Variants in MTMR3 observed in about 807,000 individuals in gnomAD.
MTMR3 encodes phosphatidylinositol-3,5-bisphosphate 3-phosphatase MTMR3.
Under a neutral mutation model 132.4 loss-of-function variants are expected in MTMR3, and 32 were observed. The observed-to-expected ratio is 0.24, with a 90% CI of 0.18 to 0.32. The LOEUF (loss-of-function observed/expected upper bound fraction) is 0.32. MTMR3 is among the 10% of genes least tolerant of loss of function. The probability of loss-of-function intolerance (pLI) is 1.00; values close to 1 mark genes in which losing one functional copy is unlikely to be tolerated. For missense variants in MTMR3, 1,216 were observed against 1,489.6 expected (o/e 0.82, Z 3.02); for synonymous variants, 556 against 550.3 (o/e 1.01, Z -0.14).
At position 29,965,520 on chromosome 22, in the gene MTMR3, A is replaced by G. The variant is rs112770847; in HGVS notation, c.-84-5456A>G. Among the ~76,000 whole-genome samples the G allele has an allele frequency of 1.4e-3, 207 of 152,256 alleles. No individual in the cohort carries two copies. In the South Asian group the frequency reaches 0.015, roughly 11 times the overall value. On this transcript the variant is annotated intron_variant, in intron 2 of 19. Coordinates refer to ENST00000401950, the MANE Select transcript of MTMR3 (RefSeq NM_021090.4). ...ATCAACATGGTGAAACCCTGTCTCT[A>G]CTAAAAATACAAAAATTAGCCAGGC...
intron 1 of MTMR3, among the ~76,000 whole-genome samples, chr22:29,937,984 T>G (rs2065783262): frequency 1.3e-5 from 2 of 152,138 alleles, no homozygotes; most frequent in South Asian, 2.1e-4. Flanking sequence ...TAAAGGAAAC[T>G]ATTGAAATAG....
chr22:29,911,192 T>A (rs966443177), intron 1 of MTMR3, among the ~76,000 whole-genome samples: 1 of 152,136 alleles, frequency 6.6e-6, no homozygotes, highest in Non-Finnish European at 1.5e-5. Context: ...GAGGCCCTGG[T>A]CCTGAAGTTT....
At chr22:29,932,824 TCAC>T (rs1050428898) in intron 1 of MTMR3, among the ~76,000 whole-genome samples, 66 of 152,326 alleles carry the variant, frequency 4.3e-4, no homozygotes, top group African/African-American at 1.5e-3. Context: ...TCAATGTTCT[TCAC>T]CAATTGTTTA....
At chr22:30,006,190 C>T (rs2067270513) in intron 9 of MTMR3, 1 of 152,206 alleles carries the variant, frequency 6.6e-6, no homozygotes, top group African/African-American at 2.4e-5. Context: ...TAGGAAAAGT[C>T]TGGGTTTTAA....
intron 1 of MTMR3, among the ~76,000 whole-genome samples, chr22:29,929,453 A>G (rs1468375617): frequency 6.6e-6 from 1 of 151,774 alleles, no homozygotes; most frequent in Non-Finnish European, 1.5e-5. Flanking sequence ...TGTGTTGAAC[A>G]TTTGCATTTC....
At position 30,009,095 on chromosome 22, in the gene MTMR3, C is replaced by T; in HGVS notation, c.1087C>T (p.Arg363Trp). 3 of 1,613,216 alleles carry T rather than the reference C, an allele frequency of 1.9e-6. No individual in the cohort carries two copies. Among genetic ancestry groups the T allele is most frequent in the Admixed American group, 1.7e-5 (1 of 60,018 alleles). ...HSIRRSFQSL[R>W]LLCTQMPDPG... ...TATTCGGAGGAGTTTTCAGTCTCTG[C>T]GGTTGCTGTGCACTCAGATGCCAGA... is the stretch of plus-strand genomic sequence containing the variant. Residue 363 changes from arginine (R) to tryptophan (W), a missense_variant, in exon 12 of 20, where the codon CGG becomes TGG. Arg to Trp is a moderately radical substitution (Grantham distance 101). Around this residue, in one of 7 missense-constraint regions of MTMR3, gnomAD observed 106 missense variants for 209.5 expected, o/e 0.51. Coordinates refer to ENST00000401950, the MANE Select transcript of MTMR3 (RefSeq NM_021090.4).
At chr22:29,901,904 T>C (rs1276758640) in intron 1 of MTMR3, among the ~76,000 whole-genome samples, 2 of 152,228 alleles carry the variant, frequency 1.3e-5, no homozygotes. Context: ...TTCTGTTGTT[T>C]AGGAGCATTC....
rs758535804 is a variant in MTMR3 at position 30,025,722 on chromosome 22, C to G, written c.3518C>G (p.Ser1173Cys). Residue 1173 changes from serine to cysteine, a missense_variant, in exon 20 of 20, where the codon TCT becomes TGT. Coordinates refer to ENST00000401950, the MANE Select transcript of MTMR3 (RefSeq NM_021090.4). ...TTTGAACCCAGTCGAGTATGCAAGT[C>G]TTGCTATAGCAGCCTACATCCCACA... ...QLFEPSRVCK[S>C]CYSSLHPTSS... 6.2e-7 allele frequency: 1 copy of G among 1,614,176 alleles called. No individual in the cohort carries two copies. Among genetic ancestry groups the G allele is most frequent in the Non-Finnish European group, 8.5e-7 (1 of 1,180,030 alleles).
At chr22:29,884,287 A>C (rs1459617865) in intron 1 of MTMR3, among the ~76,000 whole-genome samples, 2 of 152,204 alleles carry the variant, frequency 1.3e-5, no homozygotes, top group Non-Finnish European at 1.5e-5. Flanking sequence ...ACAAAACCCC[A>C]AAACCATATA....
Position 30,007,658 on chromosome 22 carries a change from G to C in MTMR3, c.878-243G>C, listed in dbSNP as rs951483020. 4.7e-5 allele frequency: 27 copies of C among 571,638 alleles called. No homozygotes were observed. The East Asian group carries it at 7.9e-4, about 17-fold the overall frequency. The allele number at this position is 571,638 out of a possible 1,614,324, so 35.4% of individuals were successfully genotyped here. ...ACAGATACAGAAATGAAGTATAAGAGACTGGGCTGTGTGAACCCCATGTGT... is the reference window on the plus strand; with the variant it reads ...ACAGATACAGAAATGAAGTATAAGACACTGGGCTGTGTGAACCCCATGTGT... On this transcript the variant is annotated intron_variant, in intron 10 of 19. Transcript: ENST00000401950.
chr22:29,907,017 C>T (rs555893952), intron 1 of MTMR3, among the ~76,000 whole-genome samples: 2 of 152,034 alleles, frequency 1.3e-5, no homozygotes, highest in South Asian at 2.1e-4. Flanking sequence ...ACGGAGGTTG[C>T]AGTGAGCTGA....
At chr22:29,931,241 CAGT>C (rs1413954005) in intron 1 of MTMR3, among the ~76,000 whole-genome samples, 1 of 152,124 alleles carries the variant, frequency 6.6e-6, no homozygotes, top group Admixed American at 6.5e-5. Flanking sequence ...GGAAGGAAGA[CAGT>C]AGTTTAATCT....
chr22:29,887,427 T>C (rs1446979751), intron 1 of MTMR3, among the ~76,000 whole-genome samples: 1 of 152,236 alleles, frequency 6.6e-6, no homozygotes, highest in Non-Finnish European at 1.5e-5. Context: ...ATTAGAATCC[T>C]ATTTTATGTC....
At chr22:29,969,295 G>A (rs1315129497) in intron 2 of MTMR3, among the ~76,000 whole-genome samples, 1 of 152,122 alleles carries the variant, frequency 6.6e-6, no homozygotes, top group African/African-American at 2.4e-5. Flanking sequence ...GACACAAAAA[G>A]CTTGACTTCT....
intron 1 of MTMR3, among the ~76,000 whole-genome samples, chr22:29,935,232 A>T (rs918340639): frequency 6.6e-6 from 1 of 152,224 alleles, no homozygotes; most frequent in Non-Finnish European, 1.5e-5. Flanking sequence ...GCTAATATGT[A>T]TGTGATTACT....
chr22:29,932,970 T>A (rs1464823746), intron 1 of MTMR3, among the ~76,000 whole-genome samples: 12 of 152,134 alleles, frequency 7.9e-5, no homozygotes, highest in Non-Finnish European at 1.6e-4. Flanking sequence ...TATAAAATTT[T>A]AAAATTTTTA....
intron 1 of MTMR3, among the ~76,000 whole-genome samples, chr22:29,891,372 T>G (rs1331033285): frequency 6.7e-6 from 1 of 149,432 alleles, no homozygotes; most frequent in Non-Finnish European, 1.5e-5. Context: ...ACATTGTATA[T>G]GTGTATACAT....
rs572287356 is a variant in MTMR3 at position 29,977,390 on chromosome 22, A to G, written c.4-1052A>G. On this transcript the variant is annotated intron_variant, in intron 3 of 19. Coordinates refer to ENST00000401950, the MANE Select transcript of MTMR3 (RefSeq NM_021090.4). ...ATGTCTTCCTATACCATAAAAATTC[A>G]TAATGCAAAATATTACTTTTTAATA... 3.9e-5 allele frequency among the ~76,000 whole-genome samples: 6 copies of G among 152,362 alleles called. No individual in the cohort carries two copies. The South Asian group carries it at 1.2e-3, about 32-fold the overall frequency.
chr22:29,884,811 G>C (rs1184368474), intron 1 of MTMR3, among the ~76,000 whole-genome samples: 1 of 152,184 alleles, frequency 6.6e-6, no homozygotes, highest in Non-Finnish European at 1.5e-5. Flanking sequence ...TGATCCGCTT[G>C]CGTTGGCCTT....
Sources: allele counts gnomAD v4.1 joint callset (sites outside exome capture counted in the v4.1 genomes callset), GRCh38; gene constraint gnomAD v4.1.1; regional missense constraint gnomAD v4.1.1; transcripts MANE v1.5; gene names NCBI Gene and HGNC (gene_info 2026-07-23, HGNC 2026-07-21).